The following SORCS2 variants were observed in gnomAD, a reference collection of about 807,000 sequenced individuals.
The protein encoded by SORCS2 is VPS10 domain-containing receptor SorCS2.
In SORCS2, 100 loss-of-function variants were observed where a neutral mutation model predicts 141.6. The ratio of observed to expected loss-of-function variants is 0.71; its 90% CI spans 0.60 to 0.83. The LOEUF is 0.83. SORCS2 is among the 40% of genes least tolerant of loss of function. The probability of loss-of-function intolerance (pLI) is 0.00; values close to 1 mark genes in which losing one functional copy is unlikely to be tolerated. For synonymous variants in SORCS2, 789 were observed against 676.9 expected, an observed-to-expected ratio of 1.17 and a Z score of -2.57; for missense variants, 1,646 against 1,560.2, an observed-to-expected ratio of 1.05 and a Z score of -0.93.
chr4:7,540,420 G>A (rs988248167), intron 3 of SORCS2, among the ~76,000 whole-genome samples: 8 of 152,100 alleles, frequency 5.3e-5, no homozygotes, highest in Admixed American at 1.3e-4. Context: ...TATGTCCAGC[G>A]GGGGATGGCA....
At chr4:7,680,013 G>A (rs55964769) in intron 9 of SORCS2, among the ~76,000 whole-genome samples, 59,746 of 152,040 alleles carry the variant, frequency 0.39, 12,108 homozygotes, top group African/African-American at 0.46. Context: ...CAGCAGAAAG[G>A]CATCTGCACC....
chr4:7,473,765 G>A (rs1290558907), intron 2 of SORCS2, among the ~76,000 whole-genome samples: 2 of 152,106 alleles, frequency 1.3e-5, no homozygotes, highest in African/African-American at 2.4e-5. Flanking sequence ...GAGGGTGGGC[G>A]CGGTCCTGGC....
intron 1 of SORCS2, among the ~76,000 whole-genome samples, chr4:7,296,292 G>A (rs1202351474): frequency 6.6e-6 from 1 of 152,252 alleles, no homozygotes; most frequent in Non-Finnish European, 1.5e-5. Flanking sequence ...AGCAAGCACT[G>A]TGTACCCTGA....
chr4:7,595,813 T>C (rs1409774511), intron 3 of SORCS2, among the ~76,000 whole-genome samples: 1 of 152,174 alleles, frequency 6.6e-6, no homozygotes, highest in Admixed American at 6.5e-5. Flanking sequence ...GCATTAAGAA[T>C]GTTTCTCAAG....
chr4:7,673,692 A>T (rs1022800436), intron 8 of SORCS2, among the ~76,000 whole-genome samples: 3 of 152,198 alleles, frequency 2.0e-5, no homozygotes, highest in Non-Finnish European at 2.9e-5. Flanking sequence ...TAGATTGTAG[A>T]ACACATTTAC....
chr4:7,318,292 C>T (rs1718687800), intron 1 of SORCS2, among the ~76,000 whole-genome samples: 1 of 152,148 alleles, frequency 6.6e-6, no homozygotes. Context: ...GTCACCTGGT[C>T]CCGAGGTGCT....
intron 18 of SORCS2, among the ~76,000 whole-genome samples, chr4:7,721,068 C>T (rs1726555917): frequency 6.6e-6 from 1 of 152,248 alleles, no homozygotes; most frequent in Admixed American, 6.5e-5. Flanking sequence ...TCACAAAGGC[C>T]AGAAACTCAA....
intron 1 of SORCS2, among the ~76,000 whole-genome samples, chr4:7,277,953 G>C (rs1158150702): frequency 6.6e-6 from 1 of 152,200 alleles, no homozygotes; most frequent in Non-Finnish European, 1.5e-5. Context: ...GCGGTGTACA[G>C]GGGAGTGTCT....
chr4:7,685,328 A>C (rs2057725), intron 10 of SORCS2, among the ~76,000 whole-genome samples: 24 of 152,118 alleles, frequency 1.6e-4, no homozygotes, highest in Admixed American at 2.6e-4. Flanking sequence ...GGGCACGGGG[A>C]AATGCAGAGC....
intron 2 of SORCS2, among the ~76,000 whole-genome samples, chr4:7,520,907 G>A (rs1733287403): frequency 6.6e-6 from 1 of 152,222 alleles, no homozygotes; most frequent in Admixed American, 6.5e-5. Context: ...GGACGTGCAG[G>A]GTGGGTGCCA....
intron 2 of SORCS2, chr4:7,434,971 G>C: frequency 7.0e-7 from 1 of 1,434,168 alleles, no homozygotes; most frequent in Non-Finnish European, 9.2e-7. Context: ...AGGCACGGAA[G>C]GGCGGCCCCA....
At chr4:7,357,193 G>A (rs1577440048) in intron 1 of SORCS2, among the ~76,000 whole-genome samples, 1 of 152,278 alleles carries the variant, frequency 6.6e-6, no homozygotes, top group African/African-American at 2.4e-5. Context: ...CCAGCCACGT[G>A]TCTCTGATGC....
chr4:7,651,355 C>T (rs908445351), intron 4 of SORCS2, among the ~76,000 whole-genome samples: 3 of 152,194 alleles, frequency 2.0e-5, no homozygotes, highest in African/African-American at 4.8e-5. Flanking sequence ...AGGCCTGCCC[C>T]GGTAGCTGGT....
chr4:7,538,193 G>C (rs967065032), intron 3 of SORCS2, among the ~76,000 whole-genome samples: 1 of 152,202 alleles, frequency 6.6e-6, no homozygotes, highest in African/African-American at 2.4e-5. Flanking sequence ...ATTACAGGCC[G>C]AGCAGCACTT....
At chr4:7,665,442 C>T (rs987097241) in intron 7 of SORCS2, among the ~76,000 whole-genome samples, 1 of 152,234 alleles carries the variant, frequency 6.6e-6, no homozygotes, top group South Asian at 2.1e-4. Context: ...TCAGTCCATG[C>T]ATTTGCTCGT....
intron 1 of SORCS2, among the ~76,000 whole-genome samples, chr4:7,373,478 A>AGTTTTTTT (rs1722401599): frequency 2.7e-5 from 1 of 36,824 alleles, no homozygotes; most frequent in Non-Finnish European, 4.1e-5. Context: ...ATATATATAT[A>AGTTTTTTT]TTTTTTTTTT....
At chr4:7,671,447 A>C (rs1722794226) in intron 8 of SORCS2, among the ~76,000 whole-genome samples, 1 of 152,206 alleles carries the variant, frequency 6.6e-6, no homozygotes, top group Non-Finnish European at 1.5e-5. Context: ...CAAAGAACTG[A>C]AAGGAAAAAT....
intron 1 of SORCS2, among the ~76,000 whole-genome samples, chr4:7,208,854 C>G (rs1256342146): frequency 6.6e-6 from 1 of 152,252 alleles, no homozygotes; most frequent in Non-Finnish European, 1.5e-5. Flanking sequence ...GCTGCATGAC[C>G]TGTTTGCAAG....
chr4:7,347,474 A>G (rs1054786027), intron 1 of SORCS2, among the ~76,000 whole-genome samples: 1 of 152,196 alleles, frequency 6.6e-6, no homozygotes, highest in African/African-American at 2.4e-5. Context: ...CCTCGTGATG[A>G]CCCAGTGAGG....
Sources: gnomAD v4.1 joint callset for allele counts (sites outside exome capture counted in the v4.1 genomes callset) on GRCh38, gnomAD v4.1.1 for gene constraint, MANE v1.5 for transcripts, NCBI Gene and HGNC (gene_info 2026-07-23, HGNC 2026-07-21) for gene names.